The following PIGO variants were observed in gnomAD, a reference collection of about 807,000 sequenced individuals.
PIGO encodes the protein GPI ethanolamine phosphate transferase 3, catalytic subunit.
A neutral mutation model predicts 86.9 loss-of-function variants in PIGO; 66 were observed. That is an observed-to-expected ratio of 0.76 (90% confidence interval 0.62 to 0.93). The LOEUF (loss-of-function observed/expected upper bound fraction) is 0.93. PIGO is among the 40% of genes least tolerant of loss of function. The pLI is 0.00. For missense variants in PIGO, 1,202 were observed against 1,359.1 expected (o/e 0.88, Z 1.82); for synonymous variants, 570 against 556.4 (o/e 1.02, Z -0.34).
At chr9:35,089,756 T>G in intron 9 of PIGO, 1 of 1,394,068 alleles carries the variant, frequency 7.2e-7, no homozygotes, top group East Asian at 2.7e-5. Context: ...AGAGGATCCA[T>G]GACCACAGTT....
At chr9:35,093,865 A>G in intron 4 of PIGO, 36 bp downstream of exon 4, 1 of 1,607,956 alleles carries the variant, frequency 6.2e-7, no homozygotes, top group Non-Finnish European at 8.5e-7. Context: ...ATTCTCAGAC[A>G]CAAACCCACT....
intron 7 of PIGO, 50 bp downstream of exon 7, chr9:35,091,190 C>T (rs1024606580): frequency 1.4e-5 from 21 of 1,513,458 alleles, no homozygotes; most frequent in Non-Finnish European, 1.6e-5. Context: ...CAAGAGGGGC[C>T]GAACTCACAT....
At position 35,091,620 on chromosome 9, in the gene PIGO, G is replaced by A. The variant is rs757452987; in HGVS notation, c.2267C>T (p.Ala756Val). Residue 756 changes from alanine (A) to valine (V), a missense_variant, in exon 7 of 11, where the codon GCG becomes GTG. Coordinates refer to ENST00000378617, the MANE Select transcript of PIGO (RefSeq NM_032634.4). ...AVAGLAASGL[A>V]LLLWKPVTVL... The stretch of plus-strand genomic sequence containing the variant: ...TGTCACAGGCTTCCAGAGCAGCAGC[G>A]CGAGCCCTGAAGCAGCCAGCCCTGC... The A allele has an allele frequency of 7.5e-5, 121 of 1,613,416 alleles. No individual in the cohort carries two copies. Among genetic ancestry groups the A allele is most frequent in the Middle Eastern group, 1.6e-4 (1 of 6,084 alleles).
At position 35,094,362 on chromosome 9, in the gene PIGO, G is replaced by T. The variant is rs2131081917; in HGVS notation, c.512-3C>A. On this transcript the variant is annotated splice_polypyrimidine_tract_variant and splice_region_variant and intron_variant, in intron 2 of 10. Coordinates refer to ENST00000378617, the MANE Select transcript of PIGO (RefSeq NM_032634.4). The stretch of plus-strand genomic sequence containing the variant: ...TCCCATGAAGACTACACGCCTTCCT[G>T]CAGGGACATGAAAGAGAAGTCAGAG... The T allele has an allele frequency of 6.3e-7, 1 of 1,597,758 alleles. No individual in the cohort carries two copies. Among genetic ancestry groups the T allele is most frequent in the Admixed American group, 1.9e-5 (1 of 53,846 alleles).
At position 35,092,133 on chromosome 9, in the gene PIGO, A is replaced by C. The variant is rs749164597; in HGVS notation, c.1754T>G (p.Val585Gly). Reference protein sequence around the residue: ...FLLGSFILLLVVQLHWEGQLL... With the variant: ...FLLGSFILLLGVQLHWEGQLL... ...CTGGCCCTCCCAGTGAAGCTGGACA[A>C]CCAGGAGCAGGATGAATGAGCCCAA... The change falls in exon 7 of 11, where the codon GTT becomes GGT. Residue 585 changes from valine (V) to glycine (G), a missense_variant. By Grantham distance (109) the Val-to-Gly change is moderately radical. Transcript: ENST00000378617. 1 of 1,614,188 alleles carries C rather than the reference A, an allele frequency of 6.2e-7. No homozygotes were observed. Among genetic ancestry groups the C allele is most frequent in the Admixed American group, 1.7e-5 (1 of 60,018 alleles).
In PIGO at chr9:35,092,460, C is replaced by T; in HGVS notation, c.1427G>A (p.Gly476Asp). Residue 476 changes from glycine (G) to aspartate (D), a missense_variant, in exon 7 of 11, where the codon GGC (glycine) becomes GAC (aspartate). Gly to Asp is a moderately conservative substitution (Grantham distance 94). Transcript: ENST00000378617. Reference protein sequence around the residue: ...LLASQWAISPGFPFCPLLLTP... With the variant: ...LLASQWAISPDFPFCPLLLTP... ...CAGGAGTAGAGGGCAGAATGGAAAG[C>T]CTGGGGATATTGCCCACTGAGATGC... is the stretch of plus-strand genomic sequence containing the variant. The T allele has an allele frequency of 6.2e-7, 1 of 1,614,220 alleles. No homozygotes were observed.
chr9:35,093,873 A>T, intron 4 of PIGO, 28 bp downstream of exon 4: 1 of 1,606,264 alleles, frequency 6.2e-7, no homozygotes, highest in East Asian at 2.2e-5. Flanking sequence ...ACACAAACCC[A>T]CTCCCCCAGC....
chr9:35,089,338 C>T, intron 10 of PIGO, 42 bp downstream of exon 10: 2 of 1,614,060 alleles, frequency 1.2e-6, no homozygotes, highest in Non-Finnish European at 1.7e-6. Flanking sequence ...TTCCAAGTTT[C>T]TCCCTCCCCA....
rs1829382510 is a variant in PIGO, at chr9:35,090,762, G to GT, written c.2648-91dup. On this transcript the variant is annotated intron_variant, in intron 7 of 10. Coordinates refer to ENST00000378617, the MANE Select transcript of PIGO (RefSeq NM_032634.4). ...ACAATCATATACTCCTACTACTTCA[G>GT]TATCAATTCTCATACACACTCAAAT... 3 of 1,267,952 alleles carry GT rather than the reference G, an allele frequency of 2.4e-6. No homozygotes were observed. The African/African-American group carries it at 4.5e-5, about 19-fold the overall frequency. 78.5% of individuals were successfully genotyped at this position (1,267,952 alleles called of 1,614,324 possible).
In PIGO at chr9:35,090,664, T is replaced by G; in HGVS notation, c.2656A>C (p.Thr886Pro). The G allele has an allele frequency of 6.2e-7, 1 of 1,613,862 alleles. No homozygotes were observed. The highest frequency in any genetic ancestry group is 8.5e-7 in the Non-Finnish European group (1 of 1,179,892). Residue 886 changes from threonine (T) to proline (P), a missense_variant, in exon 8 of 11, where the codon ACT (threonine) becomes CCT (proline). Physicochemically the swap from Thr to Pro is conservative, Grantham distance 38 (BLOSUM62 -1). Transcript: ENST00000378617. ...GIPVTTPGPF[T>P]VPWQAVSAWA... ...GCCGAGACTGCCTGCCATGGCACAG[T>G]AAAAGGACCTGGAAGAAAAGATATG...
At position 35,092,487 on chromosome 9, in the gene PIGO, A is replaced by G. The variant is rs746375807; in HGVS notation, c.1400T>C (p.Leu467Pro). 3 of 1,614,232 alleles carry G rather than the reference A, an allele frequency of 1.9e-6. No individual in the cohort carries two copies. The highest frequency in any genetic ancestry group is 1.3e-5 in the African/African-American group (1 of 75,078). The change falls in exon 7 of 11, where the codon CTG becomes CCG. Residue 467 changes from leucine to proline, a missense_variant. By Grantham distance (98) the Leu-to-Pro change is moderately conservative. Coordinates refer to ENST00000378617, the MANE Select transcript of PIGO (RefSeq NM_032634.4). ...TGGGGATATTGCCCACTGAGATGCCAGCAGGCAGATAAAGCAGGAAGCAGC... is the reference window on the plus strand; with the variant it reads ...TGGGGATATTGCCCACTGAGATGCCGGCAGGCAGATAAAGCAGGAAGCAGC... ...LLAASCFICL[L>P]ASQWAISPGF... is the part of the protein sequence containing the mutation.
At position 35,090,536 on chromosome 9, in the gene PIGO, A is replaced by C. The variant is rs1829368953; in HGVS notation, c.2784T>G (p.His928Gln). Residue 928 changes from histidine (H) to glutamine (Q), a missense_variant, in exon 8 of 11, where the codon CAT (histidine) becomes CAG (glutamine). Transcript: ENST00000378617. ...AAGCAGGCAGCCAAGTACAGGAGCCATGACCCTCTGGGAATCCCACGAAGG... is the reference window on the plus strand; with the variant it reads ...AAGCAGGCAGCCAAGTACAGGAGCCCTGACCCTCTGGGAATCCCACGAAGG... ...HAAFVGFPEG[H>Q]GSCTWLPALL... 1.2e-6 allele frequency: 2 copies of C among 1,614,234 alleles called. No individual in the cohort carries two copies. Among genetic ancestry groups the C allele is most frequent in the African/African-American group, 2.7e-5 (2 of 75,072 alleles).
In PIGO at chr9:35,092,124, A is replaced by T; in HGVS notation, c.1763T>A (p.Leu588His). The T allele has an allele frequency of 6.2e-7, 1 of 1,614,234 alleles. No individual in the cohort carries two copies. Among genetic ancestry groups the T allele is most frequent in the South Asian group, 1.1e-5 (1 of 91,090 alleles). Residue 588 changes from leucine to histidine, a missense_variant, in exon 7 of 11, where the codon CTT becomes CAT. By Grantham distance (99) the Leu-to-His change is moderately conservative (BLOSUM62 -3). Coordinates refer to ENST00000378617, the MANE Select transcript of PIGO (RefSeq NM_032634.4). ...TGGAAGCAGCTGGCCCTCCCAGTGA[A>T]GCTGGACAACCAGGAGCAGGATGAA... The part of the protein sequence containing the change: ...GSFILLLVVQ[L>H]HWEGQLLPPK...
rs900412006 is a variant in PIGO at position 35,095,255 on chromosome 9, A to G, written c.311T>C (p.Leu104Pro). Reference protein sequence around the residue: ...PPVSLPFLGKLSSLQRILEIQ... With the variant: ...PPVSLPFLGKPSSLQRILEIQ... ...CTCCAGGATCCTCTGCAAGGAGCTTAGTTTGCCCAGGAAGGGTAGGGAGAC... is the reference window on the plus strand; with the variant it reads ...CTCCAGGATCCTCTGCAAGGAGCTTGGTTTGCCCAGGAAGGGTAGGGAGAC... Residue 104 changes from leucine (L) to proline (P), a missense_variant, in exon 2 of 11, where the codon CTA (leucine) becomes CCA (proline). Leu to Pro is a moderately conservative substitution (Grantham distance 98, BLOSUM62 -3). Transcript: ENST00000378617. 1 of 1,614,178 alleles carries G rather than the reference A, an allele frequency of 6.2e-7. No individual in the cohort carries two copies. The highest frequency in any genetic ancestry group is 8.5e-7 in the Non-Finnish European group (1 of 1,180,022).
At chr9:35,094,555 C>G (rs1022694549) in intron 2 of PIGO, among the ~76,000 whole-genome samples, 196 bp from the exon 3 acceptor site, 1 of 152,196 alleles carries the variant, frequency 6.6e-6, no homozygotes, top group Non-Finnish European at 1.5e-5. Context: ...CGTACTCCAC[C>G]CAGACCTCAC....
At chr9:35,094,482 C>A in intron 2 of PIGO, 123 bp from the exon 3 acceptor site, 1 of 1,101,708 alleles carries the variant, frequency 9.1e-7, no homozygotes, top group Non-Finnish European at 1.3e-6. Flanking sequence ...TACAGCAATT[C>A]CATACAGCAA....
Position 35,092,044 on chromosome 9 carries a change from G to T in PIGO, c.1843C>A (p.Arg615=). 3.7e-6 allele frequency: 6 copies of T among 1,614,258 alleles called. No individual in the cohort carries two copies. The highest frequency in any genetic ancestry group is 5.1e-6 in the Non-Finnish European group (6 of 1,180,060). Reference sequence around the variant, plus strand: ...CTCAGGGCATATGCACCATTGTGCCGTGGGGGGTTTGTTGTGGCTGAAGTG... The same window carrying T: ...CTCAGGGCATATGCACCATTGTGCCTTGGGGGGTTTGTTGTGGCTGAAGTG... ...LGTSATTNPP[R]HNGAYALRLG... Residue 615 remains arginine (R), a synonymous_variant, in exon 7 of 11, where the codon CGG becomes AGG. Transcript: ENST00000378617.
In PIGO at chr9:35,089,205, C is replaced by T; in HGVS notation, c.3157G>A (p.Val1053Met). ...VFAPKFIFEA[V>M]GFIVSSVGLL... Reference sequence around the variant, plus strand: ...CCCACGCTGCTCACAATGAAGCCCACAGCCTCAAATATGAACCTGCAAAGA... The same window carrying T: ...CCCACGCTGCTCACAATGAAGCCCATAGCCTCAAATATGAACCTGCAAAGA... The change falls in exon 11 of 11, where the codon GTG (valine) becomes ATG (methionine). Residue 1053 changes from valine to methionine, a missense_variant. Coordinates refer to ENST00000378617, the MANE Select transcript of PIGO (RefSeq NM_032634.4). The T allele has an allele frequency of 1.2e-6, 2 of 1,614,228 alleles. No individual in the cohort carries two copies. Among genetic ancestry groups the T allele is most frequent in the South Asian group, 2.2e-5 (2 of 91,090 alleles).
rs1057523446 is a variant in PIGO at position 35,095,464 on chromosome 9, C to T, written c.102G>A (p.Glu34=). 1 of 1,613,728 alleles carries T rather than the reference C, an allele frequency of 6.2e-7. No individual in the cohort carries two copies. Among genetic ancestry groups the T allele is most frequent in the Non-Finnish European group, 8.5e-7 (1 of 1,179,892 alleles). Residue 34 remains glutamate, a synonymous_variant, in exon 2 of 11, where the codon GAG becomes GAA. Transcript: ENST00000378617. The part of the protein sequence containing the change: ...FTSGFLLTRL[E]LTNHSSCQEP... ...CTTGGCAGCTGCTATGGTTGGTGAGCTCCAAACGGGTGAGCAGGAAGCCAC... is the reference window on the plus strand; with the variant it reads ...CTTGGCAGCTGCTATGGTTGGTGAGTTCCAAACGGGTGAGCAGGAAGCCAC...
Sources: gnomAD v4.1 joint callset for allele counts (sites outside exome capture counted in the v4.1 genomes callset) on GRCh38, gnomAD v4.1.1 for gene constraint, MANE v1.5 for transcripts, NCBI Gene and HGNC (gene_info 2026-07-23, HGNC 2026-07-21) for gene names.